The following CFAP299 variants were observed in gnomAD, a reference collection of about 807,000 sequenced individuals.
CFAP299 encodes the protein cilia and flagella associated protein 299, also known as cilia- and flagella-associated protein 299.
A neutral mutation model predicts 27.0 loss-of-function variants in CFAP299; 21 were observed. That is an observed-to-expected ratio of 0.78 (90% CI 0.55 to 1.12). The LOEUF is 1.12. Ranked by LOEUF, CFAP299 falls within the 50% of genes most tolerant of loss-of-function variation. The probability of loss-of-function intolerance (pLI) is 0.00; values close to 1 mark genes in which losing one functional copy is unlikely to be tolerated. For synonymous variants in CFAP299, 104 were observed against 98.1 expected (o/e 1.06, Z -0.36); for missense variants, 310 against 276.6 (o/e 1.12, Z -0.86).
intron 3 of CFAP299, among the ~76,000 whole-genome samples, chr4:80,673,772 G>A (rs1218959262): frequency 1.3e-5 from 2 of 151,296 alleles, no homozygotes; most frequent in African/African-American, 2.4e-5. Context: ...TCATGTAATG[G>A]CCTTCTGTCT....
intron 2 of CFAP299, among the ~76,000 whole-genome samples, chr4:80,434,429 A>AT (rs1727967202): frequency 6.6e-6 from 1 of 152,216 alleles, no homozygotes; most frequent in Admixed American, 6.5e-5. Flanking sequence ...AGGAAATGTT[A>AT]CATCTTTGCT....
rs186160967 is a variant in CFAP299, at chr4:80,814,569, C to T, written c.334-55424C>T. Among the ~76,000 whole-genome samples the T allele has an allele frequency of 9.2e-5, 14 of 151,844 alleles. No homozygotes were observed. The East Asian group carries it at 2.5e-3, about 27-fold the overall frequency. ...GTATGATTCTTTTTTTCTAAGACTC[C>T]GTAATTTGGGAATAATTTTAATGTC... On this transcript the variant is annotated intron_variant, in intron 3 of 5. Transcript: ENST00000358105.
At chr4:80,954,021 G>C (rs1024893978) in intron 5 of CFAP299, among the ~76,000 whole-genome samples, 3 of 152,186 alleles carry the variant, frequency 2.0e-5, no homozygotes, top group African/African-American at 7.2e-5. Flanking sequence ...TTTAGACACA[G>C]TTCACGCTCA....
chr4:80,777,490 T>A (rs1726618348), intron 3 of CFAP299, among the ~76,000 whole-genome samples: 2 of 152,126 alleles, frequency 1.3e-5, no homozygotes, highest in Admixed American at 1.3e-4. Flanking sequence ...CTCTCCCAAA[T>A]TTCTCAGCCT....
intron 2 of CFAP299, among the ~76,000 whole-genome samples, chr4:80,445,870 A>G (rs1251006433): frequency 6.6e-6 from 1 of 152,198 alleles, no homozygotes; most frequent in Non-Finnish European, 1.5e-5. Context: ...CATAGTTAAT[A>G]TGGTTTATTA....
intron 3 of CFAP299, among the ~76,000 whole-genome samples, chr4:80,702,630 T>A (rs1271708858): frequency 1.3e-5 from 2 of 151,858 alleles, no homozygotes; most frequent in Non-Finnish European, 2.9e-5. Context: ...TACTTTTTCC[T>A]GGCCTTCTAG....
rs138396169 is a variant in CFAP299, at chr4:80,774,111, G to T, written c.334-95882G>T. Among the ~76,000 whole-genome samples the T allele has an allele frequency of 2.7e-3, 416 of 151,934 alleles. 2 individuals carry two copies. The highest frequency in any genetic ancestry group is 9.7e-3 in the African/African-American group (404 of 41,498). On this transcript the variant is annotated intron_variant, in intron 3 of 5. Transcript: ENST00000358105. ...GATTTTTAAGATTTTCCCAATGTATGAAAAGAAATAATGAAGAAAATGTCA... is the reference window on the plus strand; with the variant it reads ...GATTTTTAAGATTTTCCCAATGTATTAAAAGAAATAATGAAGAAAATGTCA...
chr4:80,963,470 C>A, intron 5 of CFAP299, 47 bp from the exon 6 acceptor site: 3 of 1,324,132 alleles, frequency 2.3e-6, no homozygotes, highest in Admixed American at 2.4e-5. Flanking sequence ...TAAAAAAGGC[C>A]AAGTATTTTT....
rs184776465 is a variant in CFAP299 at position 80,440,414 on chromosome 4, G to A, written c.242+77530G>A. ...CTCTGGTGTTACTCAGGCAAACAGG[G>A]TCTGGGGTGGACCTTCAGCAAACTC... On this transcript the variant is annotated intron_variant, in intron 2 of 5. Coordinates refer to ENST00000358105, the MANE Select transcript of CFAP299 (RefSeq NM_152770.3). Among the ~76,000 whole-genome samples the A allele has an allele frequency of 1.5e-3, 231 of 152,288 alleles. 1 individual carries two copies. The highest frequency in any genetic ancestry group is 5.2e-3 in the African/African-American group (218 of 41,548).
In CFAP299 at chr4:80,743,571, TA is replaced by T. The variant is rs201478328; in HGVS notation, c.334-126420del. 5.9e-3 allele frequency among the ~76,000 whole-genome samples: 893 copies of T among 152,340 alleles called. 7 individuals are homozygous for T. The highest frequency in any genetic ancestry group is 0.02 in the African/African-American group (833 of 41,596). The stretch of plus-strand genomic sequence containing the variant: ...ACACACTAGTTTCTTGCTTTCTCAG[TA>T]AGGCTCTTGAAAAGAGACTACCATT... On this transcript the variant is annotated intron_variant, in intron 3 of 5. Transcript: ENST00000358105.
chr4:80,763,131 G>C (rs913689841), intron 3 of CFAP299, among the ~76,000 whole-genome samples: 1 of 152,146 alleles, frequency 6.6e-6, no homozygotes, highest in Non-Finnish European at 1.5e-5. Context: ...AAGAAGTAAA[G>C]TGTATTTAAA....
the CFAP299 span, among the ~76,000 whole-genome samples, chr4:80,327,750 T>TATAACTTAAATACATATATATATATATA: frequency 6.9e-6 from 1 of 144,608 alleles, no homozygotes; most frequent in African/African-American, 2.6e-5. Flanking sequence ...TATATATATG[T>TATAACTTAAATACATATATATATATATA]TGAGAAAGCT....
At chr4:80,808,699 T>C (rs554079906) in intron 3 of CFAP299, among the ~76,000 whole-genome samples, 18 of 152,194 alleles carry the variant, frequency 1.2e-4, no homozygotes, top group African/African-American at 4.1e-4. Context: ...ATGTTAGGCA[T>C]TAACTAATGT....
Position 80,447,130 on chromosome 4 carries a change from G to GTTTTT in CFAP299, c.242+84265_242+84269dup, listed in dbSNP as rs1553923883. Among the ~76,000 whole-genome samples the GTTTTT allele has an allele frequency of 1.1e-3, 112 of 105,242 alleles. 1 individual carries two copies. Among genetic ancestry groups the GTTTTT allele is most frequent in the Non-Finnish European group, 1.4e-3 (81 of 56,916 alleles). The allele number at this position is 105,242 out of a possible 152,430, so 69.0% of individuals were successfully genotyped here. ...TTTGCTTTTTATTTGTTTTTTTTTT[G>GTTTTT]TTTTTTTTTTTTTTTTTTTTTTTGA... On this transcript the variant is annotated intron_variant, in intron 2 of 5. Transcript: ENST00000358105.
At chr4:80,846,501 C>T (rs1275110426) in intron 3 of CFAP299, among the ~76,000 whole-genome samples, 1 of 152,126 alleles carries the variant, frequency 6.6e-6, no homozygotes, top group Non-Finnish European at 1.5e-5. Context: ...ATACAAGATA[C>T]AGATGGGTTT....
At chr4:80,767,237 G>A (rs1161893258) in intron 3 of CFAP299, among the ~76,000 whole-genome samples, 2 of 152,066 alleles carry the variant, frequency 1.3e-5, no homozygotes, top group Non-Finnish European at 2.9e-5. Context: ...TAATAATGGT[G>A]ACTATTAATA....
At chr4:80,919,880 T>TTTGCCCCCAGTATATATGGGTTTGCTTGG (rs1735958026) in intron 4 of CFAP299, among the ~76,000 whole-genome samples, 1 of 152,140 alleles carries the variant, frequency 6.6e-6, no homozygotes. Context: ...CAAGCAAGGC[T>TTTGCCCCCAGTATATATGGGTTTGCTTGG]TTGCCCCCAG....
chr4:80,902,476 A>ATATATTAATATATACATATATACC (rs1734961415), intron 4 of CFAP299, among the ~76,000 whole-genome samples: 1 of 122,766 alleles, frequency 8.1e-6, no homozygotes. Flanking sequence ...GTATATATGT[A>ATATATTAATATATACATATATACC]TATATGTATA....
chr4:80,961,648 A>G (rs1738349475), intron 5 of CFAP299, among the ~76,000 whole-genome samples: 3 of 151,888 alleles, frequency 2.0e-5, no homozygotes, highest in Admixed American at 2.0e-4. Flanking sequence ...ATAAGCATCT[A>G]GACACACAGA....
Sources: allele counts gnomAD v4.1 joint callset (sites outside exome capture counted in the v4.1 genomes callset), GRCh38; gene constraint gnomAD v4.1.1; transcripts MANE v1.5; gene names NCBI Gene and HGNC (gene_info 2026-07-23, HGNC 2026-07-21).